The following PKNOX2 variants were observed in gnomAD, a reference collection of about 807,000 sequenced individuals.
PKNOX2 encodes the protein homeobox protein PKNOX2.
PKNOX2 carries 14 observed loss-of-function variants against 53.1 expected under a neutral mutation model. That is an observed-to-expected ratio of 0.26 (90% confidence interval 0.17 to 0.41). PKNOX2 has a LOEUF of 0.41. Among genes scored for constraint, PKNOX2 ranks in the 10% least tolerant of loss-of-function variants. The probability of loss-of-function intolerance (pLI) is 1.00; values close to 1 mark genes in which losing one functional copy is unlikely to be tolerated. For synonymous variants in PKNOX2, 257 were observed against 242.8 expected (o/e 1.06, Z -0.54); for missense variants, 496 against 602.8 (o/e 0.82, Z 1.85).
At chr11:125,285,429 T>A (rs1946836298) in intron 2 of PKNOX2, among the ~76,000 whole-genome samples, 1 of 152,222 alleles carries the variant, frequency 6.6e-6, no homozygotes. Flanking sequence ...GTTAAAGAGT[T>A]TAGATCTGAT....
Position 125,272,033 on chromosome 11 carries a change from C to T in PKNOX2, c.-130+36918C>T, listed in dbSNP as rs148290521. Among the ~76,000 whole-genome samples, 505 of 152,346 alleles carry T rather than the reference C, an allele frequency of 3.3e-3. 1 individual carries two copies. Among genetic ancestry groups the T allele is most frequent in the African/African-American group, 0.011 (470 of 41,568 alleles). On this transcript the variant is annotated intron_variant, in intron 2 of 12. Coordinates refer to ENST00000298282, the MANE Select transcript of PKNOX2 (RefSeq NM_001382323.2). Reference sequence around the variant, plus strand: ...GCGACAAATCACAGAACACTATAAGCCCAGAGCCACTCGGTGCCTTTTATT... The same window carrying T: ...GCGACAAATCACAGAACACTATAAGTCCAGAGCCACTCGGTGCCTTTTATT...
rs145941955 is a variant in PKNOX2, at chr11:125,382,929, T to C, written c.228-2622T>C. ...GCAGCAAATAGGCCACCCTTAAATA[T>C]TGACCCTTTTTTTCTGCAGACTGCA... On this transcript the variant is annotated intron_variant, in intron 5 of 12. Transcript: ENST00000298282. 5.1e-4 allele frequency among the ~76,000 whole-genome samples: 78 copies of C among 152,334 alleles called. 1 individual carries two copies. The highest frequency in any genetic ancestry group is 1.8e-3 in the African/African-American group (73 of 41,578).
At chr11:125,278,771 G>A (rs558784642) in intron 2 of PKNOX2, among the ~76,000 whole-genome samples, 18 of 152,198 alleles carry the variant, frequency 1.2e-4, no homozygotes, top group Non-Finnish European at 2.5e-4. Flanking sequence ...AGTAAAAAAG[G>A]CATTTAGATA....
At chr11:125,314,573 G>T (rs2136027190) in intron 2 of PKNOX2, among the ~76,000 whole-genome samples, 1 of 152,284 alleles carries the variant, frequency 6.6e-6, no homozygotes, top group South Asian at 2.1e-4. Flanking sequence ...CAGTCAGTGG[G>T]GAGGGGACAA....
chr11:125,220,890 G>A lies in PKNOX2; in HGVS notation c.-200-14155G>A, dbSNP rs144438666. On this transcript the variant is annotated intron_variant, in intron 1 of 12. Coordinates refer to ENST00000298282, the MANE Select transcript of PKNOX2 (RefSeq NM_001382323.2). ...CGTCCCAGGGAGAGGGCAGGACTTT[G>A]TGTTCTGCTCCCATTTCTGTTCTAA... 9.3e-3 allele frequency among the ~76,000 whole-genome samples: 1,414 copies of A among 152,256 alleles called. 28 individuals carry two copies. The highest frequency in any genetic ancestry group is 0.032 in the African/African-American group (1,342 of 41,530).
chr11:125,324,590 G>A (rs767283727), intron 2 of PKNOX2, among the ~76,000 whole-genome samples: 1 of 152,170 alleles, frequency 6.6e-6, no homozygotes, highest in Non-Finnish European at 1.5e-5. Context: ...GAAGAGAACT[G>A]TGCATAGGAT....
chr11:125,207,359 T>C (rs1285905039), intron 1 of PKNOX2, among the ~76,000 whole-genome samples: 2 of 152,018 alleles, frequency 1.3e-5, no homozygotes, highest in East Asian at 1.9e-4. Context: ...CATTCAAGAA[T>C]ATGGCTGGAG....
chr11:125,225,695 T>C (rs1055949705), intron 1 of PKNOX2, among the ~76,000 whole-genome samples: 5 of 152,214 alleles, frequency 3.3e-5, no homozygotes, highest in African/African-American at 7.2e-5. Context: ...TGGTGCCAAA[T>C]ACTGTCCTCT....
At chr11:125,328,843 T>A (rs915896342) in intron 2 of PKNOX2, among the ~76,000 whole-genome samples, 4 of 152,198 alleles carry the variant, frequency 2.6e-5, no homozygotes, top group African/African-American at 7.2e-5. Context: ...CTAAGCCTCA[T>A]TTTCCACATC....
At chr11:125,379,459 C>G (rs1219772819) in intron 5 of PKNOX2, among the ~76,000 whole-genome samples, 2 of 152,156 alleles carry the variant, frequency 1.3e-5, no homozygotes, top group African/African-American at 2.4e-5. Flanking sequence ...TAAGAGTTAC[C>G]AAGGAAGTTG....
chr11:125,396,199 C>G (rs1954388188), intron 6 of PKNOX2, among the ~76,000 whole-genome samples: 1 of 152,172 alleles, frequency 6.6e-6, no homozygotes, highest in Admixed American at 6.5e-5. Flanking sequence ...AGTGATCCTC[C>G]TGCCTCGATG....
At chr11:125,200,715 TGGA>T (rs896562371) in intron 1 of PKNOX2, among the ~76,000 whole-genome samples, 123 of 152,310 alleles carry the variant, frequency 8.1e-4, no homozygotes, top group African/African-American at 2.8e-3. Context: ...TTATGTGATG[TGGA>T]GTTTATTGTC....
intron 6 of PKNOX2, among the ~76,000 whole-genome samples, chr11:125,389,903 G>A (rs1953926953): frequency 6.6e-6 from 1 of 152,130 alleles, no homozygotes. Flanking sequence ...CTCTAAAATA[G>A]GGACCCCCAG....
At chr11:125,267,537 C>T (rs549033693) in intron 2 of PKNOX2, among the ~76,000 whole-genome samples, 2 of 152,324 alleles carry the variant, frequency 1.3e-5, no homozygotes, top group Non-Finnish European at 2.9e-5. Context: ...AGCTGGGGTG[C>T]TTTCTAGCTC....
intron 4 of PKNOX2, among the ~76,000 whole-genome samples, chr11:125,355,569 G>A (rs1951559139): frequency 6.6e-6 from 1 of 152,178 alleles, no homozygotes; most frequent in Non-Finnish European, 1.5e-5. Flanking sequence ...TGTGAACTAG[G>A]TGTGTGAGCC....
chr11:125,357,335 G>A (rs1018665504), intron 4 of PKNOX2, among the ~76,000 whole-genome samples: 1 of 152,096 alleles, frequency 6.6e-6, no homozygotes, highest in African/African-American at 2.4e-5. Context: ...CAACCGTGGG[G>A]CCTTTATGCC....
intron 2 of PKNOX2, among the ~76,000 whole-genome samples, chr11:125,278,218 A>T (rs1052710982): frequency 1.6e-5 from 2 of 127,908 alleles, no homozygotes; most frequent in African/African-American, 6.0e-5. Flanking sequence ...GACCCTGTCT[A>T]AAAAAAAAAA....
intron 2 of PKNOX2, chr11:125,258,608 AT>A (rs1944592505): frequency 6.3e-6 from 1 of 159,592 alleles, no homozygotes; most frequent in Admixed American, 6.4e-5. Context: ...TTTAATGAGC[AT>A]TATAAATCCT....
At chr11:125,334,446 G>C (rs779072790) in intron 3 of PKNOX2, among the ~76,000 whole-genome samples, 1 of 152,192 alleles carries the variant, frequency 6.6e-6, no homozygotes, top group African/African-American at 2.4e-5. Context: ...CCTCTTCTCA[G>C]TTGGTGAACA....
Sources: gnomAD v4.1 joint callset for allele counts (sites outside exome capture counted in the v4.1 genomes callset) on GRCh38, gnomAD v4.1.1 for gene constraint, MANE v1.5 for transcripts, NCBI Gene and HGNC (gene_info 2026-07-23, HGNC 2026-07-21) for gene names.